Variants in INO80 observed in about 807,000 individuals in gnomAD.
INO80 encodes chromatin-remodeling ATPase INO80.
INO80 carries 20 observed loss-of-function variants against 203.4 expected under a neutral mutation model. The observed-to-expected ratio is 0.10, with a 90% CI of 0.07 to 0.14. The LOEUF is 0.14. Ranked by LOEUF, INO80 falls within the 10% of genes least tolerant of loss-of-function variation. INO80 has a pLI of 1.00. For missense variants in INO80, 1,419 were observed against 1,914.4 expected, an observed-to-expected ratio of 0.74 and a Z score of 4.83; for synonymous variants, 726 against 685.2, an observed-to-expected ratio of 1.06 and a Z score of -0.93.
chr15:41,070,384 A>G, intron 13 of INO80, 83 bp downstream of exon 13: 1 of 1,192,522 alleles, frequency 8.4e-7, no homozygotes, highest in Non-Finnish European at 1.2e-6. Context: ...ACAGCTTAAC[A>G]TAGTGCTTTT....
At chr15:41,067,662 C>T (rs1043436171) in intron 14 of INO80, among the ~76,000 whole-genome samples, 2 of 152,144 alleles carry the variant, frequency 1.3e-5, no homozygotes, top group African/African-American at 4.8e-5. Flanking sequence ...AAATCCCAGA[C>T]AATTTCCTAT....
At chr15:41,026,785 C>T (rs931000836) in intron 25 of INO80, among the ~76,000 whole-genome samples, 1 of 152,140 alleles carries the variant, frequency 6.6e-6, no homozygotes, top group African/African-American at 2.4e-5. Flanking sequence ...CGATTATTTC[C>T]CTTCTTGGTA....
intron 29 of INO80, among the ~76,000 whole-genome samples, chr15:40,988,827 TA>T: frequency 6.6e-6 from 1 of 152,230 alleles, no homozygotes; most frequent in East Asian, 1.9e-4. Context: ...CCAGCCTGGC[TA>T]ACATGGTGAA....
intron 5 of INO80, among the ~76,000 whole-genome samples, chr15:41,088,630 A>T (rs1010863217): frequency 3.9e-5 from 6 of 152,156 alleles, no homozygotes; most frequent in Non-Finnish European, 7.4e-5. Flanking sequence ...TACTCCCCAA[A>T]TCTCATATTA....
At chr15:41,007,386 T>C (rs957916994) in intron 27 of INO80, among the ~76,000 whole-genome samples, 26 of 152,112 alleles carry the variant, frequency 1.7e-4, no homozygotes, top group African/African-American at 6.0e-4. Flanking sequence ...TTTCGCCATG[T>C]TGGCCAGGCT....
In INO80 at chr15:41,008,982, G is replaced by A. The variant is rs370364674; in HGVS notation, c.3403-3295C>T. ...CCAGGTAGCTGGATTATAGGCATGC[G>A]CCACCATGCCTGGCTAAGTTTGTAT... On this transcript the variant is annotated intron_variant, in intron 27 of 35. Transcript: ENST00000648947. Among the ~76,000 whole-genome samples the A allele has an allele frequency of 1.1e-4, 16 of 152,146 alleles. No homozygotes were observed. In the East Asian group the frequency reaches 2.7e-3, roughly 26 times the overall value.
At chr15:41,115,163 C>T (rs2046012296) in intron 1 of INO80, among the ~76,000 whole-genome samples, 1 of 152,148 alleles carries the variant, frequency 6.6e-6, no homozygotes, top group African/African-American at 2.4e-5. Flanking sequence ...CCTCCAAATT[C>T]CTTCCCCCAT....
chr15:41,078,216 C>T (rs1481214602), intron 9 of INO80, among the ~76,000 whole-genome samples: 1 of 151,766 alleles, frequency 6.6e-6, no homozygotes, highest in Non-Finnish European at 1.5e-5. Context: ...TATCTTTAAC[C>T]CTAAAGAAGT....
intron 24 of INO80, among the ~76,000 whole-genome samples, chr15:41,037,732 C>G (rs1359779238): frequency 1.3e-5 from 2 of 151,990 alleles, no homozygotes; most frequent in Non-Finnish European, 2.9e-5. Flanking sequence ...CACTTGAGAC[C>G]AGGAGTTCGA....
At chr15:40,982,094 C>T (rs1893852910) in intron 35 of INO80, among the ~76,000 whole-genome samples, 1 of 152,150 alleles carries the variant, frequency 6.6e-6, no homozygotes, top group Non-Finnish European at 1.5e-5. Context: ...GCATGGCTTC[C>T]CCTTCTCATT....
chr15:40,999,021 A>ACACACACAC (rs1566904799), intron 28 of INO80, among the ~76,000 whole-genome samples: 4 of 86,860 alleles, frequency 4.6e-5, no homozygotes, highest in Admixed American at 4.1e-4. Context: ...CACACACACA[A>ACACACACAC]ATAAGGGCTC....
At chr15:41,012,858 G>C (rs963733425) in intron 27 of INO80, among the ~76,000 whole-genome samples, 3 of 152,134 alleles carry the variant, frequency 2.0e-5, no homozygotes, top group African/African-American at 7.2e-5. Context: ...TTTGGAAGAA[G>C]ATCTGATATA....
chr15:41,104,705 T>C (rs185939994), intron 1 of INO80, among the ~76,000 whole-genome samples: 1 of 151,638 alleles, frequency 6.6e-6, no homozygotes, highest in African/African-American at 2.4e-5. Context: ...ACCTGGCTAA[T>C]TTTTTTTGTA....
At chr15:41,115,845 C>A (rs2046026571) in intron 1 of INO80, 128 bp downstream of exon 1, 2 of 371,312 alleles carry the variant, frequency 5.4e-6, no homozygotes, top group African/African-American at 4.2e-5. Flanking sequence ...CATACTAACC[C>A]CAACAAATCC....
intron 34 of INO80, 143 bp from the exon 35 acceptor site, chr15:40,983,220 A>C (rs1893903156): frequency 3.2e-6 from 2 of 620,936 alleles, no homozygotes; most frequent in Non-Finnish European, 5.6e-6. Flanking sequence ...GTCTCCACTT[A>C]ATGATGGCTA....
intron 1 of INO80, among the ~76,000 whole-genome samples, chr15:41,103,107 T>C (rs528528401): frequency 6.6e-6 from 1 of 152,300 alleles, no homozygotes; most frequent in African/African-American, 2.4e-5. Flanking sequence ...CATCTGTCTT[T>C]CCTATTTATA....
intron 24 of INO80, among the ~76,000 whole-genome samples, chr15:41,043,686 A>C (rs1476893984): frequency 6.6e-6 from 1 of 152,212 alleles, no homozygotes; most frequent in Non-Finnish European, 1.5e-5. Flanking sequence ...CTAGTTTCTA[A>C]ACTTCAATCT....
At chr15:41,104,810 A>G (rs1050666538) in intron 1 of INO80, among the ~76,000 whole-genome samples, 9 of 151,982 alleles carry the variant, frequency 5.9e-5, no homozygotes, top group Non-Finnish European at 1.2e-4. Context: ...AAAGTGCTGG[A>G]ATTACAGGTG....
At chr15:41,015,774 TAAAAAAAA>T (rs999539137) in intron 27 of INO80, among the ~76,000 whole-genome samples, 1 of 93,116 alleles carries the variant, frequency 1.1e-5, no homozygotes, top group Admixed American at 1.2e-4. Flanking sequence ...CATCTCTACT[TAAAAAAAA>T]AAAAAAAAAA....
Sources: gnomAD v4.1 joint callset for allele counts (sites outside exome capture counted in the v4.1 genomes callset) on GRCh38, gnomAD v4.1.1 for gene constraint, MANE v1.5 for transcripts, NCBI Gene and HGNC (gene_info 2026-07-23, HGNC 2026-07-21) for gene names.